The following VMP1 variants were observed in gnomAD, a reference collection of about 807,000 sequenced individuals.
VMP1 encodes the protein ectopic P-granules autophagy protein 3 homolog.
VMP1 carries 11 observed loss-of-function variants against 56.0 expected under a neutral mutation model. The observed-to-expected ratio is 0.20, with a 90% CI of 0.12 to 0.32. The LOEUF (loss-of-function observed/expected upper bound fraction) is 0.32, where lower values mean the gene tolerates loss of function less well. Ranked by LOEUF, VMP1 falls within the 10% of genes least tolerant of loss-of-function variation. The pLI is 1.00. For synonymous variants in VMP1, 149 were observed against 165.0 expected (o/e 0.90, Z 0.74); for missense variants, 296 against 490.3 (o/e 0.60, Z 3.74).
chr17:59,726,672 C>A (rs1411757227), intron 1 of VMP1, among the ~76,000 whole-genome samples: 1 of 152,148 alleles, frequency 6.6e-6, no homozygotes, highest in Non-Finnish European at 1.5e-5. Flanking sequence ...AAATCATTAA[C>A]TTTTTTATAT....
rs1021890924 is a variant in VMP1 at position 59,773,697 on chromosome 17, T to C, written c.583-57T>C. 2.6e-6 allele frequency: 4 copies of C among 1,511,574 alleles called. No individual in the cohort carries two copies. In the African/African-American group the frequency reaches 5.6e-5, roughly 21 times the overall value. The allele number at this position is 1,511,574 out of a possible 1,614,324, so 93.6% of individuals were successfully genotyped here. A position where few individuals can be genotyped will look rare whatever the true frequency, so the allele number is the denominator to read the frequency against. On this transcript the variant is annotated intron_variant, in intron 6 of 11. Coordinates refer to ENST00000262291, the MANE Select transcript of VMP1 (RefSeq NM_030938.5). ...TATAGAAGAGTATGGGTTTGATCTA[T>C]TAAGTGTCACTGTTGATAACAGAAC...
intron 7 of VMP1, among the ~76,000 whole-genome samples, chr17:59,782,275 CATATG>C (rs1388935262): frequency 2.6e-5 from 4 of 151,684 alleles, no homozygotes; most frequent in South Asian, 2.1e-4. Context: ...AATATTTTTA[CATATG>C]ATATGATGTA....
At chr17:59,735,745 G>A (rs1161446166) in intron 3 of VMP1, 4 of 319,662 alleles carry the variant, frequency 1.3e-5, no homozygotes, top group African/African-American at 2.1e-5. Context: ...TGAAAAATAC[G>A]ATTTTTATTT....
chr17:59,739,460 C>T (rs576398394), intron 5 of VMP1, among the ~76,000 whole-genome samples: 61 of 151,160 alleles, frequency 4.0e-4, no homozygotes, highest in African/African-American at 1.4e-3. Context: ...CGTGGTGGCT[C>T]ACGCCTGTAA....
intron 7 of VMP1, 105 bp downstream of exon 7, chr17:59,773,990 A>T: frequency 2.1e-6 from 1 of 484,714 alleles, no homozygotes; most frequent in Admixed American, 5.9e-5. Context: ...TGCTAAAGTA[A>T]AAAAAAAAAA....
rs971095445 is a variant in VMP1, at chr17:59,718,184, C to CTTTTTT, written c.-27+10459_-27+10464dup. Among the ~76,000 whole-genome samples, 18 of 79,286 alleles carry CTTTTTT rather than the reference C, an allele frequency of 2.3e-4. 1 individual carries two copies. The highest frequency in any genetic ancestry group is 2.7e-4 in the African/African-American group (6 of 22,396). 52.0% of individuals were successfully genotyped at this position (79,286 alleles called of 152,430 possible). Reference sequence around the variant, plus strand: ...ACTTCCTTTCTTCCTTCCCTCCCTCCTTTTTTTTTTTTTTTTTTTTTTTTT... The same window carrying CTTTTTT: ...ACTTCCTTTCTTCCTTCCCTCCCTCCTTTTTTTTTTTTTTTTTTTTTTTTTTTTTTT... On this transcript the variant is annotated intron_variant, in intron 1 of 11. Transcript: ENST00000262291.
intron 10 of VMP1, among the ~76,000 whole-genome samples, chr17:59,830,391 A>G (rs921033528): frequency 5.9e-5 from 9 of 152,152 alleles, no homozygotes; most frequent in African/African-American, 2.2e-4. Flanking sequence ...CCTGACCTGA[A>G]TCTTCTCCTG....
At chr17:59,747,326 G>A (rs2035458534) in intron 5 of VMP1, among the ~76,000 whole-genome samples, 1 of 152,140 alleles carries the variant, frequency 6.6e-6, no homozygotes, top group Non-Finnish European at 1.5e-5. Flanking sequence ...GGGAGAGGGA[G>A]GCAGGGGGAT....
chr17:59,743,584 A>G (rs150307157), intron 5 of VMP1, among the ~76,000 whole-genome samples: 1 of 149,162 alleles, frequency 6.7e-6, no homozygotes, highest in African/African-American at 2.5e-5. Flanking sequence ...CTCTCTCTAT[A>G]TATATATATG....
At chr17:59,735,504 T>C (rs2034985523) in intron 3 of VMP1, 31 bp downstream of exon 3, 1 of 1,610,982 alleles carries the variant, frequency 6.2e-7, no homozygotes. Flanking sequence ...ACCTTTTACA[T>C]ACACCTCATT....
At chr17:59,828,239 C>A (rs1198087530) in intron 10 of VMP1, among the ~76,000 whole-genome samples, 1 of 152,190 alleles carries the variant, frequency 6.6e-6, no homozygotes, top group African/African-American at 2.4e-5. Context: ...TAGAGCTTCT[C>A]TTTAATGTTA....
rs1296238370 is a variant in VMP1 at position 59,801,112 on chromosome 17, A to ATATGTG, written c.715-7683_715-7682insATGTGT. On this transcript the variant is annotated intron_variant, in intron 7 of 11. Coordinates refer to ENST00000262291, the MANE Select transcript of VMP1 (RefSeq NM_030938.5). Reference sequence around the variant, plus strand: ...AAAAAATATATATATATATATATATATGTGTGTGTGTGTGTGTGTGTGTGT... The same window carrying ATATGTG: ...AAAAAATATATATATATATATATATATATGTGTGTGTGTGTGTGTGTGTGTGTGTGT... 5.2e-3 allele frequency among the ~76,000 whole-genome samples: 575 copies of ATATGTG among 110,256 alleles called. 9 individuals carry two copies. Among genetic ancestry groups the ATATGTG allele is most frequent in the African/African-American group, 0.023 (520 of 22,672 alleles). 72.3% of individuals were successfully genotyped at this position (110,256 alleles called of 152,430 possible). A position where few individuals can be genotyped will look rare whatever the true frequency, so the allele number is the denominator to read the frequency against.
intron 5 of VMP1, among the ~76,000 whole-genome samples, chr17:59,748,947 T>G (rs1329567077): frequency 6.7e-6 from 1 of 149,928 alleles, no homozygotes; most frequent in Non-Finnish European, 1.5e-5. Context: ...TGTCACAGGC[T>G]GCCTCATGCC....
chr17:59,757,765 A>G (rs1443563878), intron 5 of VMP1, among the ~76,000 whole-genome samples: 4 of 151,886 alleles, frequency 2.6e-5, no homozygotes, highest in Admixed American at 2.0e-4. Flanking sequence ...CAGATGTCCA[A>G]TATGTTGCAA....
chr17:59,743,584 A>ATATATATATGCTATAT (rs1326329936), intron 5 of VMP1, among the ~76,000 whole-genome samples: 1 of 149,162 alleles, frequency 6.7e-6, no homozygotes, highest in Non-Finnish European at 1.5e-5. Context: ...CTCTCTCTAT[A>ATATATATATGCTATAT]TATATATATG....
At position 59,840,116 on chromosome 17, in the gene VMP1, A is replaced by G. The variant is rs1029899299; in HGVS notation, c.*205A>G. On this transcript the variant is annotated 3_prime_UTR_variant, in exon 12 of 12. Coordinates refer to ENST00000262291, the MANE Select transcript of VMP1 (RefSeq NM_030938.5). ...AAGGTATCCACCCTCGATGCAATCC[A>G]CCTTGTGTTTTCTTAGGGTGGAATG... The G allele has an allele frequency of 1.8e-6, 1 of 557,862 alleles. No individual in the cohort carries two copies. Among genetic ancestry groups the G allele is most frequent in the Admixed American group, 4.0e-5 (1 of 25,060 alleles). The allele number at this position is 557,862 out of a possible 1,614,324, so 34.6% of individuals were successfully genotyped here.
At chr17:59,810,338 GA>G (rs1171408988) in intron 8 of VMP1, among the ~76,000 whole-genome samples, 1 of 152,018 alleles carries the variant, frequency 6.6e-6, no homozygotes, top group Non-Finnish European at 1.5e-5. Flanking sequence ...ATTTTTAGTA[GA>G]GACAAGGTTT....
At chr17:59,711,208 C>A (rs561057019) in intron 1 of VMP1, among the ~76,000 whole-genome samples, 3 of 150,742 alleles carry the variant, frequency 2.0e-5, no homozygotes, top group African/African-American at 7.3e-5. Flanking sequence ...ATATATAGAG[C>A]CATTTCTCTA....
chr17:59,818,565 G>C (rs939248462), intron 10 of VMP1, among the ~76,000 whole-genome samples: 1 of 152,030 alleles, frequency 6.6e-6, no homozygotes, highest in Admixed American at 6.6e-5. Flanking sequence ...GAGGTTGGGA[G>C]TTCAAGACCA....
Sources: allele counts gnomAD v4.1 joint callset (sites outside exome capture counted in the v4.1 genomes callset), GRCh38; gene constraint gnomAD v4.1.1; transcripts MANE v1.5; gene names NCBI Gene and HGNC (gene_info 2026-07-23, HGNC 2026-07-21).